Variants in NPAS3 observed in about 807,000 individuals in gnomAD.
NPAS3 encodes neuronal PAS domain protein 3.
A neutral mutation model predicts 73.1 loss-of-function variants in NPAS3; 14 were observed. The ratio of observed to expected loss-of-function variants is 0.19; its 90% CI spans 0.13 to 0.30. The LOEUF (loss-of-function observed/expected upper bound fraction) is 0.30, where lower values mean the gene tolerates loss of function less well. Ranked by LOEUF, NPAS3 falls within the 10% of genes least tolerant of loss-of-function variation. The probability of loss-of-function intolerance (pLI) is 1.00; values close to 1 mark genes in which losing one functional copy is unlikely to be tolerated. For synonymous variants in NPAS3, 620 were observed against 541.5 expected, an observed-to-expected ratio of 1.14 and a Z score of -2.01; for missense variants, 1,096 against 1,250.0, an observed-to-expected ratio of 0.88 and a Z score of 1.86.
intron 1 of NPAS3, among the ~76,000 whole-genome samples, chr14:33,055,574 A>T (rs2040859473): frequency 1.3e-5 from 2 of 152,158 alleles, no homozygotes; most frequent in Non-Finnish European, 2.9e-5. Context: ...TGTTTTTAAC[A>T]TTTCCTTTAG....
intron 4 of NPAS3, among the ~76,000 whole-genome samples, chr14:33,383,962 T>A (rs2046667093): frequency 6.6e-6 from 1 of 152,182 alleles, no homozygotes; most frequent in Admixed American, 6.5e-5. Context: ...AGCTGTTCTC[T>A]AGAGTATAAA....
intron 2 of NPAS3, among the ~76,000 whole-genome samples, chr14:33,159,553 CTTT>C (rs11389432): frequency 3.3e-5 from 4 of 121,398 alleles, no homozygotes; most frequent in Non-Finnish European, 5.0e-5. Context: ...TTATAATGAG[CTTT>C]TTTTTTTTTT....
chr14:33,396,996 T>C (rs1181802070), intron 4 of NPAS3, among the ~76,000 whole-genome samples: 2 of 152,130 alleles, frequency 1.3e-5, no homozygotes, highest in African/African-American at 4.8e-5. Context: ...GACACAAATA[T>C]AAAATGGTGG....
At chr14:33,067,371 C>T (rs1417234569) in intron 2 of NPAS3, among the ~76,000 whole-genome samples, 1 of 152,228 alleles carries the variant, frequency 6.6e-6, no homozygotes, top group Admixed American at 6.5e-5. Context: ...AAGCTGTGTA[C>T]TCTCCAGCAT....
intron 3 of NPAS3, among the ~76,000 whole-genome samples, chr14:33,310,420 G>A (rs1396124643): frequency 1.3e-5 from 2 of 152,116 alleles, no homozygotes; most frequent in Non-Finnish European, 2.9e-5. Flanking sequence ...AGGGGATGGG[G>A]GCAGAGAATT....
intron 4 of NPAS3, among the ~76,000 whole-genome samples, chr14:33,433,709 T>C (rs1024887073): frequency 6.6e-6 from 1 of 152,218 alleles, no homozygotes; most frequent in Non-Finnish European, 1.5e-5. Flanking sequence ...AGTGTGATAA[T>C]TGTTTTAGGC....
chr14:33,235,373 C>T (rs1177397358), intron 3 of NPAS3, among the ~76,000 whole-genome samples: 8 of 151,958 alleles, frequency 5.3e-5, no homozygotes, highest in Non-Finnish European at 1.0e-4. Flanking sequence ...AGCTTTTGTC[C>T]GATTTATGGC....
At chr14:33,144,857 G>A (rs2044181446) in intron 2 of NPAS3, among the ~76,000 whole-genome samples, 2 of 152,148 alleles carry the variant, frequency 1.3e-5, no homozygotes, top group African/African-American at 4.8e-5. Context: ...GCCTCCCAAA[G>A]TGCTAGGATT....
intron 1 of NPAS3, among the ~76,000 whole-genome samples, chr14:33,010,903 C>G (rs1458800696): frequency 6.7e-6 from 1 of 148,328 alleles, no homozygotes; most frequent in East Asian, 2.0e-4. Flanking sequence ...CCACTGTACT[C>G]CAGCCTGGGT....
At chr14:33,419,962 T>A (rs1189689184) in intron 4 of NPAS3, among the ~76,000 whole-genome samples, 2 of 151,982 alleles carry the variant, frequency 1.3e-5, no homozygotes, top group African/African-American at 4.8e-5. Context: ...AAGTTACTTT[T>A]TTTGAACAGT....
At chr14:33,482,564 A>G (rs1480673961) in intron 4 of NPAS3, among the ~76,000 whole-genome samples, 1 of 152,174 alleles carries the variant, frequency 6.6e-6, no homozygotes, top group Non-Finnish European at 1.5e-5. Flanking sequence ...ATAGGGAAGC[A>G]TAATACTCTA....
intron 3 of NPAS3, among the ~76,000 whole-genome samples, chr14:33,321,348 C>T (rs2043438321): frequency 1.3e-5 from 2 of 152,030 alleles, no homozygotes; most frequent in African/African-American, 4.8e-5. Flanking sequence ...GGCTGGGAAA[C>T]AATGGGAAGT....
At chr14:32,998,173 G>C (rs867767746) in intron 1 of NPAS3, among the ~76,000 whole-genome samples, 1 of 152,174 alleles carries the variant, frequency 6.6e-6, no homozygotes, top group Non-Finnish European at 1.5e-5. Flanking sequence ...TGTTATAAAT[G>C]TACACTGGAA....
At chr14:33,006,694 G>A (rs1752914064) in intron 1 of NPAS3, among the ~76,000 whole-genome samples, 1 of 152,118 alleles carries the variant, frequency 6.6e-6, no homozygotes, top group African/African-American at 2.4e-5. Flanking sequence ...CTCACTAGGG[G>A]AGAACAAAAT....
intron 4 of NPAS3, among the ~76,000 whole-genome samples, chr14:33,468,936 CA>C (rs1278677594): frequency 6.6e-6 from 1 of 152,052 alleles, no homozygotes; most frequent in Non-Finnish European, 1.5e-5. Context: ...GGTTGGAATC[CA>C]AAAGACCGAA....
chr14:32,983,333 C>T (rs1314693912), intron 1 of NPAS3, among the ~76,000 whole-genome samples: 1 of 152,086 alleles, frequency 6.6e-6, no homozygotes, highest in African/African-American at 2.4e-5. Context: ...TGTATGTGTG[C>T]ATGCATATGT....
intron 5 of NPAS3, among the ~76,000 whole-genome samples, chr14:33,601,111 G>T (rs2057387232): frequency 6.6e-6 from 1 of 152,190 alleles, no homozygotes. Flanking sequence ...TTACTATGCA[G>T]ATCTGGTTCC....
At chr14:32,979,073 A>T (rs924641274) in intron 1 of NPAS3, among the ~76,000 whole-genome samples, 1 of 152,202 alleles carries the variant, frequency 6.6e-6, no homozygotes, top group Non-Finnish European at 1.5e-5. Flanking sequence ...AATGGGGATA[A>T]TAGTGTGAAT....
intron 3 of NPAS3, among the ~76,000 whole-genome samples, chr14:33,312,399 G>C (rs2043037309): frequency 1.3e-5 from 2 of 151,976 alleles, no homozygotes; most frequent in Non-Finnish European, 2.9e-5. Flanking sequence ...TTTTTATTGT[G>C]TGTGTGTGTG....
Sources: gnomAD v4.1 joint callset for allele counts (sites outside exome capture counted in the v4.1 genomes callset) on GRCh38, gnomAD v4.1.1 for gene constraint, MANE v1.5 for transcripts, NCBI Gene and HGNC (gene_info 2026-07-23, HGNC 2026-07-21) for gene names.